The following BATF3 variants were observed in gnomAD, a reference collection of about 807,000 sequenced individuals.
BATF3 encodes the protein basic leucine zipper ATF-like transcription factor 3, also known as basic leucine zipper transcriptional factor ATF-like 3.
A neutral mutation model predicts 16.1 loss-of-function variants in BATF3; 8 were observed. That is an observed-to-expected ratio of 0.50 (90% CI 0.29 to 0.90). The LOEUF is 0.90. BATF3 is among the 40% of genes least tolerant of loss of function. BATF3 has a pLI of 0.08. For missense variants in BATF3, 139 were observed against 167.0 expected (o/e 0.83, Z 0.92); for synonymous variants, 74 against 72.7 (o/e 1.02, Z -0.09).
At chr1:212,697,717 AG>A (rs1657164732) in intron 1 of BATF3, 1 of 152,294 alleles carries the variant, frequency 6.6e-6, no homozygotes, top group Non-Finnish European at 1.5e-5. Context: ...GTGTCTTGAA[AG>A]CTGTTAGCTA....
chr1:212,687,397 C>G, intron 2 of BATF3: 1 of 172,694 alleles, frequency 5.8e-6, no homozygotes, highest in South Asian at 1.5e-4. Flanking sequence ...TGGAACATAA[C>G]AAATGTTTGT....
intron 2 of BATF3, among the ~76,000 whole-genome samples, chr1:212,696,423 G>GGTGTGT (rs139095900): frequency 0.043 from 6,314 of 148,520 alleles, 308 homozygotes; most frequent in African/African-American, 0.12. Flanking sequence ...GTTTCTGTAG[G>GGTGTGT]GTGTGTGTGT....
chr1:212,696,843 C>T (rs1487076195), intron 2 of BATF3, 118 bp downstream of exon 2: 2 of 767,616 alleles, frequency 2.6e-6, no homozygotes, highest in Non-Finnish European at 4.5e-6. Flanking sequence ...AAGGACCTGG[C>T]AGAAATTAGA....
rs950747373 is a variant in BATF3, at chr1:212,699,677, T to TGCTGCG, written c.80_85dup (p.Pro27_Gln28dup). On this transcript the variant is annotated inframe_insertion, in exon 1 of 3. Coordinates refer to ENST00000243440, the MANE Select transcript of BATF3 (RefSeq NM_018664.3). This position sits in a 1 kb window ranked among gnomAD's most constrained non-coding sequence, Gnocchi z 4.4. ...CCTGAGCCTCTCGCCCTCTACCTGCTGCTGCGGCTGCGGCTGCGGCTGGTT... is the reference window on the plus strand; with the variant it reads ...CCTGAGCCTCTCGCCCTCTACCTGCTGCTGCGGCTGCGGCTGCGGCTGCGGCTGGTT... The TGCTGCG allele has an allele frequency of 5.9e-4, 797 of 1,341,102 alleles. 4 individuals carry two copies. The African/African-American group carries it at 9.1e-3, about 15-fold the overall frequency. The allele number at this position is 1,341,102 out of a possible 1,614,324, so 83.1% of individuals were successfully genotyped here.
intron 2 of BATF3, among the ~76,000 whole-genome samples, chr1:212,693,463 T>A (rs1159039628): frequency 1.3e-5 from 2 of 152,140 alleles, no homozygotes; most frequent in African/African-American, 2.4e-5. Context: ...ATAAAGCTGG[T>A]CTTGCTGAGG....
Position 212,686,913 on chromosome 1 carries a change from G to C in BATF3, c.262C>G (p.Leu88Val). 3 of 1,614,168 alleles carry C rather than the reference G, an allele frequency of 1.9e-6. No individual in the cohort carries two copies. The highest frequency in any genetic ancestry group is 3.3e-4 in the Middle Eastern group (2 of 6,062). ...RREIGKLTEE[L>V]KHLTEALKEH... ...TTCAGTGCCTCTGTCAGGTGCTTCA[G>C]CTCCTCTGTCAGCTTCCCGATCTCT... is the stretch of plus-strand genomic sequence containing the variant. The change falls in exon 3 of 3, where the codon CTG becomes GTG. Residue 88 changes from leucine to valine, a missense_variant. Coordinates refer to ENST00000243440, the MANE Select transcript of BATF3 (RefSeq NM_018664.3).
chr1:212,699,668 T>G lies in BATF3; in HGVS notation c.90+5A>C. ...ACGGCCCTCCCTGAGCCTCTCGCCC[T>G]CTACCTGCTGCTGCGGCTGCGGCTG... is the stretch of plus-strand genomic sequence containing the variant. On this transcript the variant is annotated splice_donor_5th_base_variant and intron_variant, in intron 1 of 2. Transcript: ENST00000243440. The surrounding 1 kb of genome is among the most constrained non-coding windows in gnomAD (Gnocchi z 4.4). The G allele has an allele frequency of 7.5e-7, 1 of 1,330,666 alleles. No homozygotes were observed. The highest frequency in any genetic ancestry group is 9.6e-7 in the Non-Finnish European group (1 of 1,037,514). 82.4% of individuals were successfully genotyped at this position (1,330,666 alleles called of 1,614,324 possible). A position where few individuals can be genotyped will look rare whatever the true frequency, so the allele number is the denominator to read the frequency against.
chr1:212,688,384 C>T (rs989231375), intron 2 of BATF3, among the ~76,000 whole-genome samples: 13 of 152,212 alleles, frequency 8.5e-5, no homozygotes, highest in Admixed American at 8.5e-4. Flanking sequence ...GTGACCTCTC[C>T]TGTGCTGGGC....
At chr1:212,695,458 C>T (rs1486372916) in intron 2 of BATF3, among the ~76,000 whole-genome samples, 1 of 128,940 alleles carries the variant, frequency 7.8e-6, no homozygotes, top group African/African-American at 3.0e-5. Context: ...CATGCCACTG[C>T]ACTCCAGCCT....
chr1:212,688,247 G>T (rs1384758350), intron 2 of BATF3, among the ~76,000 whole-genome samples: 2 of 151,988 alleles, frequency 1.3e-5, no homozygotes, highest in Non-Finnish European at 2.9e-5. Context: ...CTTGCATCAG[G>T]CTCTTCTTTG....
chr1:212,686,632 C>T lies in BATF3; in HGVS notation c.*159G>A. The T allele has an allele frequency of 7.9e-7, 1 of 1,270,614 alleles. No individual in the cohort carries two copies. Among genetic ancestry groups the T allele is most frequent in the Non-Finnish European group, 1.1e-6 (1 of 952,234 alleles). The allele number at this position is 1,270,614 out of a possible 1,614,324, so 78.7% of individuals were successfully genotyped here. A position where few individuals can be genotyped will look rare whatever the true frequency, so the allele number is the denominator to read the frequency against. ...AGTTTGGCGCCTGTTGGATGTCGGG[C>T]TGAGCCCAGTCTGCAGGGAACACAG... On this transcript the variant is annotated 3_prime_UTR_variant, in exon 3 of 3. Coordinates refer to ENST00000243440, the MANE Select transcript of BATF3 (RefSeq NM_018664.3).
At chr1:212,687,265 C>T (rs1458141517) in intron 2 of BATF3, among the ~76,000 whole-genome samples, 1 of 152,190 alleles carries the variant, frequency 6.6e-6, no homozygotes, top group Admixed American at 6.5e-5. Context: ...ATACACGGAA[C>T]ATTTCAATCA....
intron 2 of BATF3, among the ~76,000 whole-genome samples, chr1:212,694,008 A>G (rs1367469556): frequency 1.3e-5 from 2 of 152,200 alleles, no homozygotes; most frequent in African/African-American, 4.8e-5. Context: ...GGCAGACCCA[A>G]CGCAATCATA....
At position 212,689,941 on chromosome 1, in the gene BATF3, AAC is replaced by A. The variant is rs200081085; in HGVS notation, c.196-2964_196-2963del. On this transcript the variant is annotated intron_variant, in intron 2 of 2. Coordinates refer to ENST00000243440, the MANE Select transcript of BATF3 (RefSeq NM_018664.3). The surrounding 1 kb of genome is among the most constrained non-coding windows in gnomAD (Gnocchi z 4.6). ...GACACTCTCACACACATACACAATC[AAC>A]ACACAGTCACACAAACACTCTCACA... Among the ~76,000 whole-genome samples, 2,034 of 151,028 alleles carry A rather than the reference AAC, an allele frequency of 0.013. 47 individuals are homozygous for A. The highest frequency in any genetic ancestry group is 0.047 in the African/African-American group (1,916 of 40,734).
intron 1 of BATF3, chr1:212,697,372 T>C: frequency 4.5e-6 from 1 of 223,142 alleles, no homozygotes; most frequent in South Asian, 9.6e-5. Flanking sequence ...CTCAGGTCTG[T>C]TGGTCTCCAA....
Position 212,689,948 on chromosome 1 carries a change from A to G in BATF3, c.196-2969T>C, listed in dbSNP as rs1656962226. On this transcript the variant is annotated intron_variant, in intron 2 of 2. Transcript: ENST00000243440. This position sits in a 1 kb window ranked among gnomAD's most constrained non-coding sequence, Gnocchi z 4.6. ...TCACACACATACACAATCAACACAC[A>G]GTCACACAAACACTCTCACAGTCAC... is the stretch of plus-strand genomic sequence containing the variant. Among the ~76,000 whole-genome samples, 1 of 150,916 alleles carries G rather than the reference A, an allele frequency of 6.6e-6. No homozygotes were observed. Among genetic ancestry groups the G allele is most frequent in the African/African-American group, 2.5e-5 (1 of 40,484 alleles).
At chr1:212,690,967 GC>G (rs1240531196) in intron 2 of BATF3, among the ~76,000 whole-genome samples, 1 of 152,230 alleles carries the variant, frequency 6.6e-6, no homozygotes, top group Non-Finnish European at 1.5e-5. Flanking sequence ...GGTCGGGGGT[GC>G]TACTACATCA....
Position 212,689,138 on chromosome 1 carries a change from G to A in BATF3, c.196-2159C>T, listed in dbSNP as rs79386729. Among the ~76,000 whole-genome samples, 5,900 of 152,168 alleles carry A rather than the reference G, an allele frequency of 0.039. 158 individuals are homozygous for A. Among genetic ancestry groups the A allele is most frequent in the Non-Finnish European group, 0.06 (4,095 of 67,990 alleles). ...TCATATTCAATTTCACTCATATGAA[G>A]TAATGTCTCCCCCCAAAGATCAGAA... is the stretch of plus-strand genomic sequence containing the variant. On this transcript the variant is annotated intron_variant, in intron 2 of 2. Coordinates refer to ENST00000243440, the MANE Select transcript of BATF3 (RefSeq NM_018664.3). This position sits in a 1 kb window ranked among gnomAD's most constrained non-coding sequence, Gnocchi z 4.6.
intron 2 of BATF3, among the ~76,000 whole-genome samples, chr1:212,690,960 C>T (rs746427354): frequency 1.3e-5 from 2 of 152,176 alleles, no homozygotes; most frequent in Non-Finnish European, 2.9e-5. Flanking sequence ...CGCAGCTGGT[C>T]GGGGGTGCTA....
Sources: gnomAD v4.1 joint callset for allele counts (sites outside exome capture counted in the v4.1 genomes callset) on GRCh38, gnomAD v4.1.1 for gene constraint, Gnocchi (gnomAD v3.1) non-coding constraint, MANE v1.5 for transcripts, NCBI Gene and HGNC (gene_info 2026-07-23, HGNC 2026-07-21) for gene names.